Variants in ENY2 observed in about 807,000 individuals in gnomAD.
The protein encoded by ENY2 is ENY2 transcription and export complex 2 subunit.
ENY2 carries 4 observed loss-of-function variants against 15.9 expected under a neutral mutation model. That is an observed-to-expected ratio of 0.25 (90% CI 0.12 to 0.57). The LOEUF is 0.57. Among genes scored for constraint, ENY2 ranks in the 20% least tolerant of loss-of-function variants. The probability of loss-of-function intolerance (pLI) is 0.91; values close to 1 mark genes in which losing one functional copy is unlikely to be tolerated. For synonymous variants in ENY2, 48 were observed against 38.0 expected, an observed-to-expected ratio of 1.26 and a Z score of -0.97; for missense variants, 54 against 117.2, an observed-to-expected ratio of 0.46 and a Z score of 2.49.
chr8:109,341,424 T>A (rs1816109853), intron 4 of ENY2, among the ~76,000 whole-genome samples: 1 of 152,098 alleles, frequency 6.6e-6, no homozygotes, highest in South Asian at 2.1e-4. Context: ...TTGAAAAACA[T>A]GACTTTTTCT....
intron 4 of ENY2, 132 bp from the exon 5 acceptor site, chr8:109,343,271 CCT>C (rs1482110805): frequency 3.3e-6 from 2 of 614,286 alleles, no homozygotes; most frequent in Non-Finnish European, 5.3e-6. Context: ...GATAACTTTA[CCT>C]TTTTTTTAAT....
chr8:109,340,259 TCA>T, intron 3 of ENY2: 1 of 511,100 alleles, frequency 2.0e-6, no homozygotes. Flanking sequence ...ATTGTAAGTG[TCA>T]CAATTATTTA....
At chr8:109,340,165 A>G (rs945783339) in intron 3 of ENY2, among the ~76,000 whole-genome samples, 1 of 152,168 alleles carries the variant, frequency 6.6e-6, no homozygotes, top group Non-Finnish European at 1.5e-5. Flanking sequence ...CCTAATAGAG[A>G]TCTAGTAAAT....
At chr8:109,337,526 A>G (rs1816012440) in intron 2 of ENY2, among the ~76,000 whole-genome samples, 1 of 152,220 alleles carries the variant, frequency 6.6e-6, no homozygotes, top group Non-Finnish European at 1.5e-5. Flanking sequence ...ACTGTGTAAT[A>G]ATGTCAGATG....
chr8:109,334,643 GCTC>G, intron 1 of ENY2, 169 bp downstream of exon 1: 1 of 710,218 alleles, frequency 1.4e-6, no homozygotes. Context: ...TTGTTTTCTG[GCTC>G]CTCCTCTCCC....
At chr8:109,339,083 C>T (rs1286832838) in intron 2 of ENY2, 1 of 545,112 alleles carries the variant, frequency 1.8e-6, no homozygotes, top group Admixed American at 3.2e-5. Context: ...ATTTTAGCCC[C>T]TCCACTTCAT....
chr8:109,340,511 A>T lies in ENY2; in HGVS notation c.177A>T (p.Leu59=). The change falls in exon 4 of 5, where the codon CTA becomes CTT. Residue 59 remains leucine, a synonymous_variant. Transcript: ENST00000521688. ...AAGAGGTAATTAAAGAAAAAGGACT[A>T]GAACACGTTACTGTTGATGACTTGG... The part of the protein sequence containing the change: ...HCKEVIKEKG[L]EHVTVDDLVA... 6.2e-7 allele frequency: 1 copy of T among 1,613,472 alleles called. No homozygotes were observed. Among genetic ancestry groups the T allele is most frequent in the Non-Finnish European group, 8.5e-7 (1 of 1,179,500 alleles).
chr8:109,342,514 C>CTT (rs11316616), intron 4 of ENY2, among the ~76,000 whole-genome samples: 2 of 139,536 alleles, frequency 1.4e-5, no homozygotes, highest in African/African-American at 5.3e-5. Context: ...TATATATACC[C>CTT]TTTTTTTTTT....
rs1326043510 is a variant in ENY2 at position 109,344,585 on chromosome 8, G to C, written c.*1104G>C. The C allele has an allele frequency of 6.6e-6, 1 of 152,106 alleles. No individual in the cohort carries two copies. The highest frequency in any genetic ancestry group is 1.5e-5 in the Non-Finnish European group (1 of 68,034). The allele number at this position is 152,106 out of a possible 1,614,324, so 9.4% of individuals were successfully genotyped here. On this transcript the variant is annotated 3_prime_UTR_variant, in exon 5 of 5. Transcript: ENST00000521688. Reference sequence around the variant, plus strand: ...ACTTTTTCCCCCAATAATTGCCCCTGCTATATTCCTTATTTCTGAATGGTA... The same window carrying C: ...ACTTTTTCCCCCAATAATTGCCCCTCCTATATTCCTTATTTCTGAATGGTA...
Position 109,345,475 on chromosome 8 carries a change from T to G in ENY2, c.*1994T>G, listed in dbSNP as rs903156855. ...ACCAGCTGGGCTTAATTATGTAAAG[T>G]TTTGAGCCTGAGATAAGCACACAAT... is the stretch of plus-strand genomic sequence containing the variant. On this transcript the variant is annotated 3_prime_UTR_variant, in exon 5 of 5. Transcript: ENST00000521688. The G allele has an allele frequency of 3.3e-5, 5 of 152,128 alleles. No individual in the cohort carries two copies. The highest frequency in any genetic ancestry group is 7.4e-5 in the Non-Finnish European group (5 of 68,000). 9.4% of individuals were successfully genotyped at this position (152,128 alleles called of 1,614,324 possible).
intron 3 of ENY2, 107 bp downstream of exon 3, chr8:109,339,497 C>A: frequency 1.1e-6 from 1 of 885,694 alleles, no homozygotes; most frequent in Non-Finnish European, 1.7e-6. Context: ...TGATTTTAAA[C>A]AAATATGGAA....
Position 109,340,332 on chromosome 8 carries a change from T to C in ENY2, c.155-157T>C, listed in dbSNP as rs141256758. Reference sequence around the variant, plus strand: ...TTTATCTTTTAGATCTAAAGAATACTTGATGTGTTTGTAAGGTTGAACTAA... The same window carrying C: ...TTTATCTTTTAGATCTAAAGAATACCTGATGTGTTTGTAAGGTTGAACTAA... On this transcript the variant is annotated intron_variant, in intron 3 of 4. Coordinates refer to ENST00000521688, the MANE Select transcript of ENY2 (RefSeq NM_020189.6). 8.2e-4 allele frequency: 819 copies of C among 993,214 alleles called. 5 individuals are homozygous for C. The African/African-American group carries it at 0.012, about 14-fold the overall frequency. The allele number at this position is 993,214 out of a possible 1,614,324, so 61.5% of individuals were successfully genotyped here.
intron 2 of ENY2, 44 bp downstream of exon 2, chr8:109,336,248 A>G: frequency 1.4e-6 from 2 of 1,464,112 alleles, no homozygotes; most frequent in Non-Finnish European, 1.9e-6. Context: ...CACCGCCTTT[A>G]ATAGTTAGCT....
chr8:109,340,718 AG>A (rs1365030496), intron 4 of ENY2, 155 bp downstream of exon 4: 5 of 796,500 alleles, frequency 6.3e-6, no homozygotes, highest in African/African-American at 1.8e-5. Flanking sequence ...CTCCTAGCAT[AG>A]TCTGGGAGTA....
chr8:109,340,462 A>G, intron 3 of ENY2, 27 bp from the exon 4 acceptor site: 1 of 1,609,918 alleles, frequency 6.2e-7, no homozygotes, highest in Non-Finnish European at 8.5e-7. Context: ...TTTAAATGAT[A>G]TGATTTGTTT....
Position 109,340,645 on chromosome 8 carries a change from C to G in ENY2, c.229+82C>G. 1.9e-6 allele frequency: 3 copies of G among 1,562,828 alleles called. No individual in the cohort carries two copies. In the South Asian group the frequency reaches 3.5e-5, roughly 18 times the overall value. The stretch of plus-strand genomic sequence containing the variant: ...TCTCTTGCTGGTTCAGATTTTCTTT[C>G]TGTTTTTAAGGAAAAGCACTACCTG... On this transcript the variant is annotated intron_variant, in intron 4 of 4. Transcript: ENST00000521688.
intron 1 of ENY2, chr8:109,335,050 G>A (rs1226683328): frequency 6.6e-6 from 1 of 152,258 alleles, no homozygotes; most frequent in Non-Finnish European, 1.5e-5. Flanking sequence ...AGATTAGGTG[G>A]GAAAACGTTA....
chr8:109,340,741 A>G (rs1303842347), intron 4 of ENY2, 178 bp downstream of exon 4: 2 of 658,048 alleles, frequency 3.0e-6, no homozygotes, highest in Non-Finnish European at 5.1e-6. Flanking sequence ...CAAATGAGAT[A>G]CTAGGTTTCA....
At chr8:109,342,574 A>T in intron 4 of ENY2, 1 of 577,350 alleles carries the variant, frequency 1.7e-6, no homozygotes, top group Non-Finnish European at 3.1e-6. Context: ...CGGTGGCATG[A>T]TCATGGCTCA....
Sources: gnomAD v4.1 joint callset for allele counts (sites outside exome capture counted in the v4.1 genomes callset) on GRCh38, gnomAD v4.1.1 for gene constraint, MANE v1.5 for transcripts, NCBI Gene and HGNC (gene_info 2026-07-23, HGNC 2026-07-21) for gene names.